The following COX10 variants were observed in gnomAD, a reference collection of about 807,000 sequenced individuals.
The protein encoded by COX10 is protoheme IX farnesyltransferase, mitochondrial.
Under a neutral mutation model 37.3 loss-of-function variants are expected in COX10, and 27 were observed. The ratio of observed to expected loss-of-function variants is 0.72; its 90% CI spans 0.53 to 1.00. The LOEUF (loss-of-function observed/expected upper bound fraction) is 1.00, where lower values mean the gene tolerates loss of function less well. Ranked by LOEUF, COX10 falls within the 50% of genes least tolerant of loss-of-function variation. COX10 has a pLI of 0.00. For synonymous variants in COX10, 222 were observed against 229.1 expected (o/e 0.97, Z 0.28); for missense variants, 475 against 563.2 (o/e 0.84, Z 1.59).
At chr17:14,120,286 G>A (rs375679283) in intron 4 of COX10, among the ~76,000 whole-genome samples, 24 of 152,262 alleles carry the variant, frequency 1.6e-4, no homozygotes, top group African/African-American at 5.8e-4. Context: ...CAGAGTAGAG[G>A]AGCATGTTGC....
At chr17:14,091,970 T>C (rs975046317) in intron 3 of COX10, among the ~76,000 whole-genome samples, 7 of 152,292 alleles carry the variant, frequency 4.6e-5, no homozygotes, top group Admixed American at 6.5e-5. Flanking sequence ...CAACAGTTTA[T>C]AGGCACCAGT....
chr17:14,175,086 G>GC (rs1905622991), intron 5 of COX10, among the ~76,000 whole-genome samples: 1 of 51,354 alleles, frequency 1.9e-5, no homozygotes, highest in African/African-American at 9.8e-5. Flanking sequence ...GAAATAGCGG[G>GC]GGGGGGGGGG....
At chr17:14,078,904 C>T (rs1411879643) in intron 3 of COX10, among the ~76,000 whole-genome samples, 1 of 152,100 alleles carries the variant, frequency 6.6e-6, no homozygotes, top group Admixed American at 6.5e-5. Flanking sequence ...CCAGTCCTTT[C>T]ACCCCACCAT....
intron 3 of COX10, among the ~76,000 whole-genome samples, chr17:14,078,948 G>A (rs1294824631): frequency 2.0e-5 from 3 of 151,990 alleles, no homozygotes; most frequent in African/African-American, 7.3e-5. Context: ...AAACTGGTCT[G>A]CCTGTCTTAT....
At chr17:14,171,457 A>G (rs1290212074) in intron 5 of COX10, among the ~76,000 whole-genome samples, 1 of 151,512 alleles carries the variant, frequency 6.6e-6, no homozygotes, top group Admixed American at 6.6e-5. Flanking sequence ...GTTCTGAGTC[A>G]TGAAGCACCT....
rs187215885 is a variant in COX10 at position 14,075,121 on chromosome 17, A to T, written c.177+665A>T. Reference sequence around the variant, plus strand: ...AAAGAACGGCAGACTTATAATTTAAAGTCCTATTTTACATTTCTCTCATCT... The same window carrying T: ...AAAGAACGGCAGACTTATAATTTAATGTCCTATTTTACATTTCTCTCATCT... On this transcript the variant is annotated intron_variant, in intron 2 of 6. Transcript: ENST00000261643. 2.2e-4 allele frequency among the ~76,000 whole-genome samples: 34 copies of T among 152,344 alleles called. No individual in the cohort carries two copies. In the East Asian group the frequency reaches 6.0e-3, roughly 27 times the overall value.
chr17:14,186,579 C>T (rs533421924), intron 5 of COX10, among the ~76,000 whole-genome samples: 13 of 152,014 alleles, frequency 8.6e-5, no homozygotes, highest in Admixed American at 5.2e-4. Flanking sequence ...ACGAACTGAC[C>T]ACCACTACAG....
At chr17:14,165,882 T>C (rs1905270176) in intron 5 of COX10, among the ~76,000 whole-genome samples, 1 of 152,228 alleles carries the variant, frequency 6.6e-6, no homozygotes, top group Non-Finnish European at 1.5e-5. Flanking sequence ...TCTGGCTATA[T>C]CTAAGCAGCC....
chr17:14,120,342 C>T (rs1413535143), intron 4 of COX10, among the ~76,000 whole-genome samples: 2 of 152,138 alleles, frequency 1.3e-5, no homozygotes, highest in Non-Finnish European at 2.9e-5. Flanking sequence ...TAATTATAGC[C>T]ATGGACACCA....
At chr17:14,131,123 C>A (rs1916454926) in intron 4 of COX10, among the ~76,000 whole-genome samples, 1 of 152,090 alleles carries the variant, frequency 6.6e-6, no homozygotes. Context: ...AAATGAATGA[C>A]CAGCTCATTG....
Position 14,166,777 on chromosome 17 carries a change from ATTTC to A in COX10, c.695+6838_695+6841del, listed in dbSNP as rs1267726493. On this transcript the variant is annotated intron_variant, in intron 5 of 6. Transcript: ENST00000261643. Reference sequence around the variant, plus strand: ...CAGGCATGTGCCACCACGCCTGGCTATTTCTTTCTTTTTTTTTTTTTTTTTTTTT... The same window carrying A: ...CAGGCATGTGCCACCACGCCTGGCTATTTCTTTTTTTTTTTTTTTTTTTTT... Among the ~76,000 whole-genome samples the A allele has an allele frequency of 3.9e-4, 42 of 108,476 alleles. 1 individual carries two copies. In the East Asian group the frequency reaches 0.01, roughly 26 times the overall value. The allele number at this position is 108,476 out of a possible 152,430, so 71.2% of individuals were successfully genotyped here.
At chr17:14,201,181 A>C (rs1235075835) in intron 6 of COX10, among the ~76,000 whole-genome samples, 1 of 152,220 alleles carries the variant, frequency 6.6e-6, no homozygotes, top group Admixed American at 6.5e-5. Flanking sequence ...TGAATTAGTC[A>C]ACTGAGTGCT....
At chr17:14,192,296 C>T (rs1906230256) in intron 6 of COX10, 75 bp downstream of exon 6, 20 of 1,613,900 alleles carry the variant, frequency 1.2e-5, no homozygotes, top group Admixed American at 3.3e-5. Flanking sequence ...AGCTGTAGCA[C>T]TTGGTTCGAT....
At chr17:14,138,666 T>C (rs909976168) in intron 4 of COX10, among the ~76,000 whole-genome samples, 1 of 152,196 alleles carries the variant, frequency 6.6e-6, no homozygotes, top group Non-Finnish European at 1.5e-5. Context: ...AGACTCATAA[T>C]CGGTCCTTTC....
rs1905137203 is a variant in COX10, at chr17:14,159,915, A to C, written c.663A>C (p.Thr221=). The C allele has an allele frequency of 6.2e-7, 1 of 1,612,604 alleles. No homozygotes were observed. The stretch of plus-strand genomic sequence containing the variant: ...CATTTGACTCAAACATGAATAGGAC[A>C]AAGAACAGACCGCTGGTTCGTGGAC... ...EVPFDSNMNR[T]KNRPLVRGQI... Residue 221 remains threonine (T), a synonymous_variant, in exon 5 of 7, where the codon ACA becomes ACC. Transcript: ENST00000261643.
intron 4 of COX10, among the ~76,000 whole-genome samples, chr17:14,121,298 G>A (rs892535947): frequency 2.2e-4 from 34 of 152,110 alleles, no homozygotes; most frequent in Admixed American, 1.9e-3. Context: ...ACCATGGCAA[G>A]GAAAAGATAA....
intron 4 of COX10, among the ~76,000 whole-genome samples, chr17:14,114,304 A>G (rs1210297803): frequency 1.3e-5 from 2 of 152,126 alleles, no homozygotes; most frequent in Admixed American, 6.6e-5. Context: ...CATTCAGCCA[A>G]TTAACTCCAG....
chr17:14,132,264 C>T (rs1427847273), intron 4 of COX10, among the ~76,000 whole-genome samples: 2 of 151,920 alleles, frequency 1.3e-5, no homozygotes, highest in Non-Finnish European at 2.9e-5. Flanking sequence ...TGTGTGATCA[C>T]TTGTGCCTAA....
At chr17:14,117,088 T>C (rs1330045187) in intron 4 of COX10, among the ~76,000 whole-genome samples, 3 of 152,258 alleles carry the variant, frequency 2.0e-5, no homozygotes, top group African/African-American at 7.2e-5. Flanking sequence ...TCCCTTTTTG[T>C]TAGTTGTCAG....
Sources: allele counts gnomAD v4.1 joint callset (sites outside exome capture counted in the v4.1 genomes callset), GRCh38; gene constraint gnomAD v4.1.1; transcripts MANE v1.5; gene names NCBI Gene and HGNC (gene_info 2026-07-23, HGNC 2026-07-21).